Variants in CTNNA2 observed in about 807,000 individuals in gnomAD.
The protein encoded by CTNNA2 is catenin alpha-2.
In CTNNA2, 42 loss-of-function variants were observed where a neutral mutation model predicts 101.0. The ratio of observed to expected loss-of-function variants is 0.42; its 90% CI spans 0.32 to 0.54. The LOEUF (loss-of-function observed/expected upper bound fraction) is 0.54. Ranked by LOEUF, CTNNA2 falls within the 20% of genes least tolerant of loss-of-function variation. The pLI, the probability that CTNNA2 is intolerant of heterozygous loss-of-function variation, is 0.14. For synonymous variants in CTNNA2, 450 were observed against 456.4 expected (o/e 0.99, Z 0.18); for missense variants, 871 against 1,223.1 (o/e 0.71, Z 4.29).
intron 18 of CTNNA2, among the ~76,000 whole-genome samples, chr2:80,638,993 G>T (rs1337066795): frequency 6.6e-6 from 1 of 152,118 alleles, no homozygotes; most frequent in Non-Finnish European, 1.5e-5. Flanking sequence ...CTGGCCTTCA[G>T]CACTGGCTGG....
chr2:79,422,713 A>G (rs1043011398), intron 4 of CTNNA2, among the ~76,000 whole-genome samples: 2 of 152,230 alleles, frequency 1.3e-5, no homozygotes, highest in Non-Finnish European at 2.9e-5. Flanking sequence ...AAGGCTGCAA[A>G]TAGATGTTGA....
rs1010436567 is a variant in CTNNA2 at position 80,182,005 on chromosome 2, C to T, written c.1057-211206C>T. Among the ~76,000 whole-genome samples, 7 of 152,216 alleles carry T rather than the reference C, an allele frequency of 4.6e-5. No individual in the cohort carries two copies. In the East Asian group the frequency reaches 5.8e-4, roughly 13 times the overall value. The stretch of plus-strand genomic sequence containing the variant: ...GACAACATCTGTGTTAGTCTGGGTT[C>T]TCTAGAGATACAGGACTAATAGGAT... On this transcript the variant is annotated intron_variant, in intron 7 of 18. Transcript: ENST00000402739.
chr2:79,985,678 G>A (rs1281651957), intron 7 of CTNNA2, among the ~76,000 whole-genome samples: 4 of 152,166 alleles, frequency 2.6e-5, no homozygotes, highest in Non-Finnish European at 1.5e-5. Flanking sequence ...ATATGTTAAC[G>A]TCAATGGAAA....
At chr2:79,837,617 G>C (rs767654438) in intron 3 of CTNNA2, among the ~76,000 whole-genome samples, 5 of 151,772 alleles carry the variant, frequency 3.3e-5, no homozygotes, top group Admixed American at 6.6e-5. Flanking sequence ...TTTTTTTTCA[G>C]GTACATATGT....
intron 4 of CTNNA2, among the ~76,000 whole-genome samples, chr2:79,397,014 A>C (rs1678240555): frequency 6.6e-6 from 1 of 152,116 alleles, no homozygotes; most frequent in Non-Finnish European, 1.5e-5. Context: ...CTGATCTGGT[A>C]GGCTGGGTGA....
intron 3 of CTNNA2, among the ~76,000 whole-genome samples, chr2:79,373,077 T>G (rs1677908227): frequency 6.6e-6 from 1 of 152,146 alleles, no homozygotes; most frequent in Non-Finnish European, 1.5e-5. Context: ...AATATGAAAA[T>G]TTTTGTAATA....
chr2:79,897,138 A>G (rs1404093616), intron 6 of CTNNA2, among the ~76,000 whole-genome samples: 5 of 152,142 alleles, frequency 3.3e-5, no homozygotes, highest in African/African-American at 4.8e-5. Flanking sequence ...ATGAATTTTG[A>G]TATAACTCAC....
intron 4 of CTNNA2, among the ~76,000 whole-genome samples, chr2:79,421,445 G>A (rs1292054760): frequency 2.0e-5 from 3 of 152,168 alleles, no homozygotes; most frequent in African/African-American, 7.2e-5. Context: ...ATCCTCCTGT[G>A]ATAATTACTG....
intron 7 of CTNNA2, among the ~76,000 whole-genome samples, chr2:80,346,507 C>T (rs1003324616): frequency 3.3e-5 from 5 of 152,196 alleles, no homozygotes; most frequent in Non-Finnish European, 7.3e-5. Flanking sequence ...ACCAGGTCCA[C>T]CCTCCAACAT....
chr2:79,873,895 A>G lies in CTNNA2; in HGVS notation c.586-181A>G, dbSNP rs78892027. 5.9e-3 allele frequency among the ~76,000 whole-genome samples: 892 copies of G among 152,298 alleles called. 25 individuals carry two copies. Among genetic ancestry groups the G allele is most frequent in the East Asian group, 0.043 (220 of 5,170 alleles). Reference sequence around the variant, plus strand: ...CCAACCTAGGTCACTATAGAGACCTAGCTGTCTCTATAAAACAGACAAACA... The same window carrying G: ...CCAACCTAGGTCACTATAGAGACCTGGCTGTCTCTATAAAACAGACAAACA... On this transcript the variant is annotated intron_variant, in intron 5 of 18. Coordinates refer to ENST00000402739, the MANE Select transcript of CTNNA2 (RefSeq NM_001282597.3).
chr2:80,558,668 C>CT (rs1200733698), intron 12 of CTNNA2, among the ~76,000 whole-genome samples: 14 of 151,940 alleles, frequency 9.2e-5, no homozygotes, highest in Non-Finnish European at 2.9e-5. Flanking sequence ...GAATTGGCCA[C>CT]TTTTCTATGT....
At chr2:80,282,124 C>A (rs1573589778) in intron 7 of CTNNA2, among the ~76,000 whole-genome samples, 1 of 151,940 alleles carries the variant, frequency 6.6e-6, no homozygotes, top group Non-Finnish European at 1.5e-5. Context: ...AGTGATAGGT[C>A]ACAGGGAAAT....
At chr2:80,610,665 T>A (rs1200848076) in intron 17 of CTNNA2, among the ~76,000 whole-genome samples, 1 of 151,642 alleles carries the variant, frequency 6.6e-6, no homozygotes, top group Non-Finnish European at 1.5e-5. Context: ...CCAAGAAAAA[T>A]GATTTTGATG....
chr2:80,075,698 T>A (rs71337759), intron 7 of CTNNA2, among the ~76,000 whole-genome samples: 1,480 of 58,762 alleles, frequency 0.025, 173 homozygotes, highest in African/African-American at 0.13. Context: ...ATATTTATAC[T>A]TGTATAAATA....
intron 2 of CTNNA2, among the ~76,000 whole-genome samples, chr2:79,694,420 A>G (rs1305221581): frequency 6.6e-6 from 1 of 152,018 alleles, no homozygotes; most frequent in Non-Finnish European, 1.5e-5. Context: ...AATAAACAAG[A>G]TGCAAGAGGT....
chr2:80,570,048 T>G (rs1425555379), intron 12 of CTNNA2, among the ~76,000 whole-genome samples: 1 of 151,930 alleles, frequency 6.6e-6, no homozygotes, highest in Non-Finnish European at 1.5e-5. Context: ...TTTTTATGTC[T>G]CATCACTCTT....
chr2:79,419,043 G>T (rs1461342771), intron 4 of CTNNA2, among the ~76,000 whole-genome samples: 1 of 140,072 alleles, frequency 7.1e-6, no homozygotes, highest in East Asian at 2.2e-4. Context: ...GGAGCAGGAA[G>T]GTAAACTAAG....
chr2:80,247,727 CTGAA>C (rs1351898342), intron 7 of CTNNA2, among the ~76,000 whole-genome samples: 3 of 152,098 alleles, frequency 2.0e-5, no homozygotes, highest in African/African-American at 7.2e-5. Flanking sequence ...CAGATCCCTT[CTGAA>C]TGAATTTTTT....
chr2:79,897,959 C>T (rs1291577357), intron 6 of CTNNA2, among the ~76,000 whole-genome samples: 1 of 152,098 alleles, frequency 6.6e-6, no homozygotes, highest in Non-Finnish European at 1.5e-5. Context: ...TAATCCAGTT[C>T]AAAAGGGAGG....
Sources: gnomAD v4.1 joint callset for allele counts (sites outside exome capture counted in the v4.1 genomes callset) on GRCh38, gnomAD v4.1.1 for gene constraint, MANE v1.5 for transcripts, NCBI Gene and HGNC (gene_info 2026-07-23, HGNC 2026-07-21) for gene names.